The following SYNPO variants were observed in gnomAD, a reference collection of about 807,000 sequenced individuals.
The protein encoded by SYNPO is synaptopodin.
SYNPO carries 19 observed loss-of-function variants against 49.5 expected under a neutral mutation model. That is an observed-to-expected ratio of 0.38 (90% CI 0.27 to 0.56). The LOEUF is 0.56. SYNPO is among the 20% of genes least tolerant of loss of function. The probability of loss-of-function intolerance (pLI) is 0.68; values close to 1 mark genes in which losing one functional copy is unlikely to be tolerated. For missense variants in SYNPO, 1,131 were observed against 1,248.3 expected (o/e 0.91, Z 1.42); for synonymous variants, 536 against 548.0 (o/e 0.98, Z 0.31).
chr5:150,657,600 T>C lies in SYNPO; in HGVS notation c.*513T>C. ...TGTCTGGAGTCTGGCAAGCGGGGTG[T>C]GTTCAGAAGGTCCTAGGCCTGTGTC... On this transcript the variant is annotated 3_prime_UTR_variant, in exon 3 of 3. Coordinates refer to ENST00000307662, the MANE Select transcript of SYNPO (RefSeq NM_007286.6). 6.4e-6 allele frequency: 1 copy of C among 156,996 alleles called. No individual in the cohort carries two copies. The highest frequency in any genetic ancestry group is 1.4e-5 in the Non-Finnish European group (1 of 70,728). The allele number at this position is 156,996 out of a possible 1,614,324, so 9.7% of individuals were successfully genotyped here. A position where few individuals can be genotyped will look rare whatever the true frequency, so the allele number is the denominator to read the frequency against.
At chr5:150,650,609 G>A (rs372583428) in intron 2 of SYNPO, 37 of 1,448,682 alleles carry the variant, frequency 2.6e-5, no homozygotes, top group East Asian at 2.0e-4. Context: ...GCCCTGATGC[G>A]GTAGAGGGGC....
intron 2 of SYNPO, among the ~76,000 whole-genome samples, chr5:150,630,149 G>A (rs1428663251): frequency 6.6e-6 from 1 of 152,196 alleles, no homozygotes; most frequent in Non-Finnish European, 1.5e-5. Flanking sequence ...GATCAAGGGT[G>A]CCCTGCAGTC....
chr5:150,651,799 G>A (rs1272525407), intron 2 of SYNPO: 1 of 1,000,242 alleles, frequency 1.0e-6, no homozygotes, highest in East Asian at 1.1e-4. Context: ...ATACAGTGAG[G>A]GTGTTAAGTC....
intron 1 of SYNPO, among the ~76,000 whole-genome samples, chr5:150,603,247 G>A (rs1248184248): frequency 6.6e-6 from 1 of 152,252 alleles, no homozygotes; most frequent in Non-Finnish European, 1.5e-5. Context: ...GGGTAGGCGA[G>A]AGGCCACCCT....
At chr5:150,626,258 C>A (rs1238364364) in intron 2 of SYNPO, among the ~76,000 whole-genome samples, 2 of 152,204 alleles carry the variant, frequency 1.3e-5, no homozygotes, top group Non-Finnish European at 2.9e-5. Flanking sequence ...GATGAGATCC[C>A]TCAGGGGAGT....
chr5:150,629,114 G>A (rs547312190), intron 2 of SYNPO, among the ~76,000 whole-genome samples: 66 of 152,232 alleles, frequency 4.3e-4, no homozygotes, highest in African/African-American at 1.5e-3. Context: ...GACCTCCTGG[G>A]CTCAAGTGAT....
intron 2 of SYNPO, among the ~76,000 whole-genome samples, chr5:150,626,620 C>T (rs1171406077): frequency 1.3e-5 from 2 of 152,200 alleles, no homozygotes; most frequent in African/African-American, 4.8e-5. Context: ...TCAGCTGTTG[C>T]CCTTATCTAC....
the SYNPO span, among the ~76,000 whole-genome samples, chr5:150,590,422 C>G: frequency 2.6e-5 from 4 of 152,254 alleles, no homozygotes; most frequent in Non-Finnish European, 5.9e-5. Flanking sequence ...CCAGGCCACA[C>G]AGCAACTTGG....
At chr5:150,609,929 T>C (rs369227072) in intron 1 of SYNPO, among the ~76,000 whole-genome samples, 3 of 152,224 alleles carry the variant, frequency 2.0e-5, no homozygotes, top group East Asian at 3.9e-4. Flanking sequence ...CTGGACTTTG[T>C]GCAGAGTGGC....
At chr5:150,606,579 C>T (rs929255779) in intron 1 of SYNPO, among the ~76,000 whole-genome samples, 4 of 152,222 alleles carry the variant, frequency 2.6e-5, no homozygotes, top group Admixed American at 6.5e-5. Context: ...TCTTGCTCTG[C>T]GCCGGGCATG....
chr5:150,613,586 A>C (rs1756907330), intron 1 of SYNPO, among the ~76,000 whole-genome samples: 1 of 152,212 alleles, frequency 6.6e-6, no homozygotes, highest in Non-Finnish European at 1.5e-5. Context: ...GCAGGTGAGC[A>C]ACACAGTCAG....
intron 2 of SYNPO, among the ~76,000 whole-genome samples, chr5:150,621,384 G>T (rs1360508462): frequency 6.6e-6 from 1 of 152,170 alleles, no homozygotes; most frequent in Non-Finnish European, 1.5e-5. Context: ...ATGGAGGCAG[G>T]AAGGAAGCTG....
chr5:150,625,666 G>T (rs1757331797), intron 2 of SYNPO, among the ~76,000 whole-genome samples: 1 of 152,132 alleles, frequency 6.6e-6, no homozygotes, highest in African/African-American at 2.4e-5. Flanking sequence ...TAACCGCTGC[G>T]CTGTGGAATC....
rs149434894 is a variant in SYNPO at position 150,647,854 on chromosome 5, G to T, written c.-332-90G>T. 8.3e-6 allele frequency: 10 copies of T among 1,201,800 alleles called. No homozygotes were observed. In the East Asian group the frequency reaches 2.3e-4, roughly 28 times the overall value. The allele number at this position is 1,201,800 out of a possible 1,614,324, so 74.4% of individuals were successfully genotyped here. A position where few individuals can be genotyped will look rare whatever the true frequency, so the allele number is the denominator to read the frequency against. On this transcript the variant is annotated intron_variant, in intron 1 of 2. Transcript: ENST00000307662. ...GAAGAGATCCTGTGTAGGAAGGGCCGAGGCGACCATCTCTGTCTGCCTGTT... is the reference window on the plus strand; with the variant it reads ...GAAGAGATCCTGTGTAGGAAGGGCCTAGGCGACCATCTCTGTCTGCCTGTT...
chr5:150,653,902 C>T (rs929709109), intron 2 of SYNPO: 3 of 152,192 alleles, frequency 2.0e-5, no homozygotes, highest in African/African-American at 7.2e-5. Flanking sequence ...TGAAAAATGT[C>T]CTGCTCAGGC....
chr5:150,621,069 C>T (rs985858097), intron 2 of SYNPO, among the ~76,000 whole-genome samples: 5 of 151,696 alleles, frequency 3.3e-5, no homozygotes, highest in Non-Finnish European at 5.9e-5. Flanking sequence ...TCTCCTGCCT[C>T]AGCCTCCCAA....
chr5:150,654,948 A>C (rs1758506913), intron 2 of SYNPO, among the ~76,000 whole-genome samples: 1 of 152,106 alleles, frequency 6.6e-6, no homozygotes, highest in Admixed American at 6.5e-5. Context: ...CAACATGGAG[A>C]AACCCCGTCT....
In SYNPO at chr5:150,656,626, C is replaced by G. The variant is rs774830674; in HGVS notation, c.2251C>G (p.Arg751Gly). 1 of 1,511,128 alleles carries G rather than the reference C, an allele frequency of 6.6e-7. No individual in the cohort carries two copies. The highest frequency in any genetic ancestry group is 1.2e-5 in the South Asian group (1 of 81,424). The allele number at this position is 1,511,128 out of a possible 1,614,324, so 93.6% of individuals were successfully genotyped here. ...RPETEARPPSRQLQALLARNI... is the reference protein window; with the variant it reads ...RPETEARPPSGQLQALLARNI... The stretch of plus-strand genomic sequence containing the variant: ...TGAGACCGAGGCGCGGCCCCCCAGC[C>G]GCCAGCTGCAGGCGCTTCTGGCGCG... Residue 751 changes from arginine to glycine, a missense_variant, in exon 3 of 3, where the codon CGC becomes GGC. Arg to Gly is a moderately radical substitution (Grantham distance 125, BLOSUM62 -2). This residue lies in a region of SYNPO where 509 missense variants were observed against 484.5 expected (regional missense o/e 1.05). Transcript: ENST00000307662.
upstream of SYNPO, among the ~76,000 whole-genome samples, chr5:150,638,554 A>G (rs753195005): frequency 6.6e-6 from 1 of 152,116 alleles, no homozygotes; most frequent in Non-Finnish European, 1.5e-5. Flanking sequence ...GATGGTTTCA[A>G]CCCCTCCTGG....
Sources: gnomAD v4.1 joint callset for allele counts (sites outside exome capture counted in the v4.1 genomes callset) on GRCh38, gnomAD v4.1.1 for gene constraint, gnomAD v4.1.1 regional missense constraint, MANE v1.5 for transcripts, NCBI Gene and HGNC (gene_info 2026-07-23, HGNC 2026-07-21) for gene names.